Variants in TNNI3K observed in about 807,000 individuals in gnomAD.
The protein encoded by TNNI3K is TNNI3 interacting kinase.
A neutral mutation model predicts 114.5 loss-of-function variants in TNNI3K; 140 were observed. The ratio of observed to expected loss-of-function variants is 1.22; its 90% confidence interval spans 1.07 to 1.41. TNNI3K has a LOEUF of 1.41. Among genes scored for constraint, TNNI3K ranks in the 40% most tolerant of loss-of-function variants. The pLI, the probability that TNNI3K is intolerant of heterozygous loss-of-function variation, is 0.00. For synonymous variants in TNNI3K, 347 were observed against 347.5 expected (o/e 1.00, Z 0.02); for missense variants, 1,125 against 1,007.6 (o/e 1.12, Z -1.58).
At chr1:74,535,486 A>C (rs1031675993) in intron 23 of TNNI3K, among the ~76,000 whole-genome samples, 1 of 152,074 alleles carries the variant, frequency 6.6e-6, no homozygotes, top group Non-Finnish European at 1.5e-5. Flanking sequence ...AACAAACAAA[A>C]AAAGAATCAC....
chr1:74,446,846 G>C (rs1666714264), intron 20 of TNNI3K, among the ~76,000 whole-genome samples: 1 of 149,748 alleles, frequency 6.7e-6, no homozygotes, highest in Non-Finnish European at 1.5e-5. Context: ...AGATCAGATA[G>C]TTGTAGGTAT....
chr1:74,481,051 T>C, intron 21 of TNNI3K: 1 of 614,534 alleles, frequency 1.6e-6, no homozygotes, highest in Non-Finnish European at 3.0e-6. Context: ...AGAATCAATA[T>C]CCTCTGAGCA....
intron 4 of TNNI3K, among the ~76,000 whole-genome samples, chr1:74,264,888 A>G (rs761470861): frequency 5.3e-5 from 8 of 152,074 alleles, no homozygotes; most frequent in Non-Finnish European, 1.2e-4. Context: ...GTTTATAAGC[A>G]TTTGCACATA....
intron 5 of TNNI3K, among the ~76,000 whole-genome samples, chr1:74,319,702 A>G (rs1236551018): frequency 2.0e-5 from 3 of 152,166 alleles, no homozygotes; most frequent in African/African-American, 2.4e-5. Context: ...ATGATTTTCA[A>G]TATGTATTCT....
intron 17 of TNNI3K, among the ~76,000 whole-genome samples, chr1:74,397,505 G>T (rs191628372): frequency 2.4e-4 from 36 of 152,272 alleles, no homozygotes; most frequent in African/African-American, 8.4e-4. Context: ...GCTGGAAGAT[G>T]CTTGACTGGT....
At chr1:74,459,973 T>A (rs1667379475) in intron 20 of TNNI3K, among the ~76,000 whole-genome samples, 1 of 152,222 alleles carries the variant, frequency 6.6e-6, no homozygotes, top group Non-Finnish European at 1.5e-5. Flanking sequence ...ACTATTTAAA[T>A]TTATATTAAA....
chr1:74,248,178 G>A (rs1020479483), intron 2 of TNNI3K, among the ~76,000 whole-genome samples: 5 of 152,066 alleles, frequency 3.3e-5, no homozygotes, highest in African/African-American at 7.2e-5. Flanking sequence ...GCCCAGGGCT[G>A]GTGGCACCAG....
chr1:74,367,485 T>C (rs577567940), intron 12 of TNNI3K, 143 bp downstream of exon 12: 1 of 859,938 alleles, frequency 1.2e-6, no homozygotes, highest in African/African-American at 1.7e-5. Context: ...TAAGTAACCT[T>C]ATGTCTGGGA....
chr1:74,362,481 TC>T (rs140449891), intron 11 of TNNI3K, among the ~76,000 whole-genome samples: 4,043 of 152,160 alleles, frequency 0.027, 197 homozygotes, highest in African/African-American at 0.093. Flanking sequence ...ACCACTAATC[TC>T]CAGATCTAGT....
At chr1:74,314,172 A>G (rs1659165252) in intron 5 of TNNI3K, among the ~76,000 whole-genome samples, 1 of 148,462 alleles carries the variant, frequency 6.7e-6, no homozygotes, top group African/African-American at 2.5e-5. Flanking sequence ...ATAAATATAT[A>G]TATATTTAAC....
chr1:74,278,945 G>T (rs550776131), intron 5 of TNNI3K, among the ~76,000 whole-genome samples: 47 of 152,118 alleles, frequency 3.1e-4, no homozygotes, highest in Non-Finnish European at 5.7e-4. Context: ...TCAAAATTAT[G>T]TTATAATTAC....
Position 74,353,295 on chromosome 1 carries a change from T to A in TNNI3K, c.962T>A (p.Leu321Gln). The change falls in exon 10 of 25, where the codon CTA becomes CAA. Residue 321 changes from leucine to glutamine, a missense_variant. Coordinates refer to ENST00000326637, the MANE Select transcript of TNNI3K (RefSeq NM_015978.3). ...SACTYGKSID[L>Q]VKFLLDQNVI... ...TGTACCTATGGCAAGAGCATTGACC[T>A]AGTCAAATTTCTTCTTGATCAGAAT... is the stretch of plus-strand genomic sequence containing the variant. 6.2e-7 allele frequency: 1 copy of A among 1,613,894 alleles called. No homozygotes were observed. The highest frequency in any genetic ancestry group is 8.5e-7 in the Non-Finnish European group (1 of 1,179,950).
At chr1:74,309,475 G>A (rs953839879) in intron 5 of TNNI3K, among the ~76,000 whole-genome samples, 1 of 151,430 alleles carries the variant, frequency 6.6e-6, no homozygotes, top group Non-Finnish European at 1.5e-5. Flanking sequence ...GTATCACCTT[G>A]GATACCAAAA....
chr1:74,317,144 A>G (rs1180088446), intron 5 of TNNI3K, among the ~76,000 whole-genome samples: 1 of 152,192 alleles, frequency 6.6e-6, no homozygotes, highest in Non-Finnish European at 1.5e-5. Context: ...CATTATTCTC[A>G]GTTCCTAACA....
At chr1:74,273,583 G>T (rs1036564091) in intron 5 of TNNI3K, among the ~76,000 whole-genome samples, 1 of 151,848 alleles carries the variant, frequency 6.6e-6, no homozygotes, top group Non-Finnish European at 1.5e-5. Context: ...AAAGCAAAGT[G>T]GTTAAGAGCT....
Position 74,324,444 on chromosome 1 carries a change from A to C in TNNI3K, c.445-7006A>C, listed in dbSNP as rs527892168. On this transcript the variant is annotated intron_variant, in intron 5 of 24. Transcript: ENST00000326637. ...TGCTGCCAATATGATGATCACTGAA[A>C]TACCTTTGAAAAGCTATCTGCTCAA... 1.3e-5 allele frequency among the ~76,000 whole-genome samples: 2 copies of C among 152,344 alleles called. 1 individual carries two copies. Among genetic ancestry groups the C allele is most frequent in the South Asian group, 4.1e-4 (2 of 4,822 alleles).
Position 74,376,274 on chromosome 1 carries a change from T to TA in TNNI3K, c.1772+5890dup, listed in dbSNP as rs975364040. On this transcript the variant is annotated intron_variant, in intron 17 of 24. Coordinates refer to ENST00000326637, the MANE Select transcript of TNNI3K (RefSeq NM_015978.3). ...ATGCAAAATATAAAATTCCTGCATG[T>TA]AAAAAAAACACAACAATTAAGTAAA... Among the ~76,000 whole-genome samples the TA allele has an allele frequency of 2.1e-4, 32 of 151,850 alleles. No individual in the cohort carries two copies. The East Asian group carries it at 4.9e-3, about 23-fold the overall frequency.
intron 2 of TNNI3K, among the ~76,000 whole-genome samples, chr1:74,242,682 C>CA (rs1178649528): frequency 5.9e-5 from 9 of 151,702 alleles, no homozygotes; most frequent in African/African-American, 1.2e-4. Context: ...TCGTCAACAA[C>CA]AAAAAAAACC....
chr1:74,336,702 A>G (rs1020458165), intron 7 of TNNI3K, among the ~76,000 whole-genome samples: 1 of 151,402 alleles, frequency 6.6e-6, no homozygotes, highest in Non-Finnish European at 1.5e-5. Context: ...ATGGCTGCAT[A>G]GTATTCCATG....
Sources: gnomAD v4.1 joint callset for allele counts (sites outside exome capture counted in the v4.1 genomes callset) on GRCh38, gnomAD v4.1.1 for gene constraint, MANE v1.5 for transcripts, NCBI Gene and HGNC (gene_info 2026-07-23, HGNC 2026-07-21) for gene names.